Variants in APC observed in about 807,000 individuals in gnomAD.
The protein encoded by APC is APC regulator of Wnt signaling pathway.
In APC, 72 loss-of-function variants were observed where a neutral mutation model predicts 247.0. That is an observed-to-expected ratio of 0.29 (90% CI 0.24 to 0.35). APC has a LOEUF of 0.35. Among genes scored for constraint, APC ranks in the 10% least tolerant of loss-of-function variants. APC has a pLI of 1.00. For missense variants in APC, 3,400 were observed against 3,360.7 expected, an observed-to-expected ratio of 1.01 and a Z score of -0.29; for synonymous variants, 1,254 against 1,162.5, an observed-to-expected ratio of 1.08 and a Z score of -1.60.
chr5:112,742,769 C>G (rs1753196532), intron 1 of APC, among the ~76,000 whole-genome samples: 1 of 152,102 alleles, frequency 6.6e-6, no homozygotes, highest in Non-Finnish European at 1.5e-5. Flanking sequence ...ATATGAGTCA[C>G]TAAGTCCAGC....
chr5:112,792,556 G>A (rs773941891), intron 7 of APC, 27 bp downstream of exon 7: 15 of 1,551,750 alleles, frequency 9.7e-6, no homozygotes, highest in Admixed American at 1.7e-5. Flanking sequence ...TCTTGTTTGT[G>A]GGTATAAAAA....
chr5:112,836,946 C>T (rs1421544191), intron 15 of APC, among the ~76,000 whole-genome samples: 1 of 152,166 alleles, frequency 6.6e-6, no homozygotes, highest in Non-Finnish European at 1.5e-5. Flanking sequence ...GGTGATCCGC[C>T]TGCCTCAGCC....
intron 11 of APC, among the ~76,000 whole-genome samples, chr5:112,823,940 G>A (rs1404494806): frequency 1.3e-5 from 2 of 152,240 alleles, no homozygotes; most frequent in South Asian, 2.1e-4. Flanking sequence ...TCTTATGTTC[G>A]GGAAATTTTG....
intron 8 of APC, among the ~76,000 whole-genome samples, chr5:112,808,510 G>A (rs1232431033): frequency 6.6e-6 from 1 of 152,046 alleles, no homozygotes; most frequent in Admixed American, 6.6e-5. Flanking sequence ...CTAGAGTGCA[G>A]TGGCAAAGCT....
At chr5:112,826,485 GT>G (rs1322862146) in intron 11 of APC, among the ~76,000 whole-genome samples, 1 of 149,098 alleles carries the variant, frequency 6.7e-6, no homozygotes, top group African/African-American at 2.5e-5. Context: ...TCTTAGTATA[GT>G]TAATATTTGA....
intron 2 of APC, among the ~76,000 whole-genome samples, chr5:112,763,686 G>T (rs1755928078): frequency 6.6e-6 from 1 of 152,014 alleles, no homozygotes; most frequent in Non-Finnish European, 1.5e-5. Context: ...AATACATATT[G>T]TTTAAAAAGT....
At chr5:112,786,762 A>T (rs1215957349) in intron 6 of APC, among the ~76,000 whole-genome samples, 1 of 152,202 alleles carries the variant, frequency 6.6e-6, no homozygotes. Context: ...GTAAACAAAC[A>T]TGCAAGAGTT....
intron 1 of APC, among the ~76,000 whole-genome samples, chr5:112,724,589 G>C (rs1751669894): frequency 7.9e-6 from 1 of 126,268 alleles, no homozygotes; most frequent in Non-Finnish European, 1.6e-5. Context: ...TAAGCACAGG[G>C]ATCTATGGAA....
At chr5:112,767,653 C>A (rs908817541) in intron 4 of APC, among the ~76,000 whole-genome samples, 1 of 152,008 alleles carries the variant, frequency 6.6e-6, no homozygotes, top group Non-Finnish European at 1.5e-5. Flanking sequence ...TATTTTGAGA[C>A]AGGGTGTCAC....
chr5:112,821,702 A>T, intron 10 of APC, among the ~76,000 whole-genome samples, 194 bp from the exon 11 acceptor site: 1 of 152,174 alleles, frequency 6.6e-6, no homozygotes, highest in East Asian at 1.9e-4. Flanking sequence ...TTTTATGGAA[A>T]CAAATCCCTT....
intron 1 of APC, among the ~76,000 whole-genome samples, chr5:112,710,592 G>A (rs879539071): frequency 5.9e-5 from 9 of 152,112 alleles, no homozygotes; most frequent in Non-Finnish European, 1.2e-4. Flanking sequence ...ATATAAGTGT[G>A]TGTGCTGTTC....
At position 112,841,481 on chromosome 5, in the gene APC, T is replaced by C. The variant is rs2149951842; in HGVS notation, c.5887T>C (p.Phe1963Leu). ...TGCTATTGAAAATACTCCGGTTTGC[T>C]TTTCTCATAATTCCTCTCTGAGTTC... The part of the protein sequence containing the change: ...NFAIENTPVC[F>L]SHNSSLSSLS... Residue 1963 changes from phenylalanine (F) to leucine (L), a missense_variant, in exon 16 of 16, where the codon TTT (phenylalanine) becomes CTT (leucine). Physicochemically the swap from Phe to Leu is conservative, Grantham distance 22. This residue lies in a region of APC where 1,788 missense variants were observed against 1,649.5 expected (regional missense o/e 1.08). Coordinates refer to ENST00000257430, the MANE Select transcript of APC (RefSeq NM_000038.6). This position sits in a 1 kb window ranked among gnomAD's most constrained non-coding sequence, Gnocchi z 4.6. 1 of 1,613,696 alleles carries C rather than the reference T, an allele frequency of 6.2e-7. No individual in the cohort carries two copies. Among genetic ancestry groups the C allele is most frequent in the Non-Finnish European group, 8.5e-7 (1 of 1,179,604 alleles).
rs1178716584 is a variant in APC, at chr5:112,838,713, G to T, written c.3119G>T (p.Arg1040Met). 1 of 1,614,096 alleles carries T rather than the reference G, an allele frequency of 6.2e-7. No individual in the cohort carries two copies. Among genetic ancestry groups the T allele is most frequent in the South Asian group, 1.1e-5 (1 of 91,076 alleles). ...TCAGATGAGCAGTTGAACTCTGGAAGGCAAAGTCCTTCACAGAATGAAAGA... is the reference window on the plus strand; with the variant it reads ...TCAGATGAGCAGTTGAACTCTGGAATGCAAAGTCCTTCACAGAATGAAAGA... ...KYSDEQLNSG[R>M]QSPSQNERWA... Residue 1040 changes from arginine (R) to methionine (M), a missense_variant, in exon 16 of 16, where the codon AGG (arginine) becomes ATG (methionine). Physicochemically the swap from Arg to Met is moderately conservative, Grantham distance 91 (BLOSUM62 -1). Transcript: ENST00000257430.
At position 112,707,624 on chromosome 5, in the gene APC, C is replaced by A. The variant is rs1219858068; in HGVS notation, c.-94C>A. On this transcript the variant is annotated 5_prime_UTR_variant, in exon 1 of 14. Transcript: ENST00000507379. ...GGGCTCAGGCCCGGGAGCTGCGGAC[C>A]GAGGTTGGCTCGATGCTGTTCCCAG... 7.7e-7 allele frequency: 1 copy of A among 1,296,860 alleles called. No homozygotes were observed. Among genetic ancestry groups the A allele is most frequent in the Non-Finnish European group, 1.0e-6 (1 of 976,416 alleles). 80.3% of individuals were successfully genotyped at this position (1,296,860 alleles called of 1,614,324 possible).
chr5:112,722,470 G>A (rs1242630154), intron 1 of APC, among the ~76,000 whole-genome samples: 1 of 152,070 alleles, frequency 6.6e-6, no homozygotes, highest in Non-Finnish European at 1.5e-5. Context: ...GATGCTAGTT[G>A]GGTGTCCTCC....
chr5:112,779,027 G>A (rs1758034587), intron 5 of APC, among the ~76,000 whole-genome samples: 1 of 152,196 alleles, frequency 6.6e-6, no homozygotes, highest in African/African-American at 2.4e-5. Flanking sequence ...TGGCTGACAG[G>A]AGGTGGAACT....
chr5:112,827,362 T>C, intron 12 of APC, 115 bp downstream of exon 12: 1 of 1,193,850 alleles, frequency 8.4e-7, no homozygotes, highest in Non-Finnish European at 1.2e-6. Flanking sequence ...AAACAATGAC[T>C]GATAAAAACC....
At chr5:112,831,534 ATTC>A (rs1199203337) in intron 14 of APC, among the ~76,000 whole-genome samples, 4 of 152,196 alleles carry the variant, frequency 2.6e-5, no homozygotes, top group African/African-American at 4.8e-5. Flanking sequence ...AGTCATGAAC[ATTC>A]TTCTTCTCTT....
chr5:112,825,595 T>A (rs541325148), intron 11 of APC, among the ~76,000 whole-genome samples: 7 of 152,196 alleles, frequency 4.6e-5, no homozygotes, highest in Non-Finnish European at 7.3e-5. Context: ...CTCATGCCTG[T>A]AATCCCAGCA....
Sources: allele counts gnomAD v4.1 joint callset (sites outside exome capture counted in the v4.1 genomes callset), GRCh38; gene constraint gnomAD v4.1.1; regional missense constraint gnomAD v4.1.1; non-coding constraint Gnocchi (gnomAD v3.1); transcripts MANE v1.5; gene names NCBI Gene and HGNC (gene_info 2026-07-23, HGNC 2026-07-21).